Variants in RAB27A observed in about 807,000 individuals in gnomAD.
RAB27A encodes RAB27A, member RAS oncogene family.
A neutral mutation model predicts 20.8 loss-of-function variants in RAB27A; 17 were observed. The ratio of observed to expected loss-of-function variants is 0.82; its 90% confidence interval spans 0.56 to 1.23. RAB27A has a LOEUF of 1.23. Among genes scored for constraint, RAB27A ranks in the 50% most tolerant of loss-of-function variants. The probability of loss-of-function intolerance (pLI) is 0.00; values close to 1 mark genes in which losing one functional copy is unlikely to be tolerated. For synonymous variants in RAB27A, 85 were observed against 92.8 expected (o/e 0.92, Z 0.48); for missense variants, 277 against 266.7 (o/e 1.04, Z -0.27).
intron 1 of RAB27A, among the ~76,000 whole-genome samples, chr15:55,315,893 C>T (rs960844798): frequency 6.6e-6 from 1 of 152,146 alleles, no homozygotes; most frequent in African/African-American, 2.4e-5. Flanking sequence ...CCCAGCAATC[C>T]CATTACTGGG....
chr15:55,256,380 C>T lies in RAB27A; in HGVS notation c.-23+13785G>A, dbSNP rs548370134. ...AGTGAGCCATGACTATGTCACCACA[C>T]TCCAGCCTGGGTGACAGAGTGAGAC... is the stretch of plus-strand genomic sequence containing the variant. On this transcript the variant is annotated intron_variant, in intron 2 of 6. Coordinates refer to ENST00000336787, the MANE Select transcript of RAB27A (RefSeq NM_183235.3). 2.6e-5 allele frequency among the ~76,000 whole-genome samples: 4 copies of T among 152,278 alleles called. No individual in the cohort carries two copies. The South Asian group carries it at 8.3e-4, about 32-fold the overall frequency.
chr15:55,246,506 T>C (rs1409035758), intron 2 of RAB27A, among the ~76,000 whole-genome samples: 1 of 151,550 alleles, frequency 6.6e-6, no homozygotes, highest in Non-Finnish European at 1.5e-5. Context: ...GATCAGAATA[T>C]GAATGTTTAT....
chr15:55,313,617 T>C (rs2055030307), intron 2 of RAB27A, among the ~76,000 whole-genome samples: 3 of 152,128 alleles, frequency 2.0e-5, no homozygotes, highest in African/African-American at 4.8e-5. Flanking sequence ...CTCACGCTTG[T>C]AATCTCAGCA....
intron 2 of RAB27A, among the ~76,000 whole-genome samples, chr15:55,248,003 TGCTCACTGCAA>T (rs1320900999): frequency 6.6e-6 from 1 of 150,826 alleles, no homozygotes; most frequent in Non-Finnish European, 1.5e-5. Context: ...GCGCAATCTC[TGCTCACTGCAA>T]GCTCTGCCTC....
chr15:55,223,508 C>CAAA (rs113911906), intron 6 of RAB27A, among the ~76,000 whole-genome samples: 14,629 of 133,236 alleles, frequency 0.11, 896 homozygotes, highest in Admixed American at 0.2. Context: ...GACTCTGTCT[C>CAAA]AAAAAAAAAA....
chr15:55,282,019 A>G (rs570967273), intron 1 of RAB27A, among the ~76,000 whole-genome samples: 1 of 152,342 alleles, frequency 6.6e-6, no homozygotes, highest in South Asian at 2.1e-4. Context: ...AAGTAGCAGT[A>G]CAGGCCTTTA....
At chr15:55,303,289 C>T (rs1444148096) in intron 2 of RAB27A, among the ~76,000 whole-genome samples, 106 of 98,258 alleles carry the variant, frequency 1.1e-3, no homozygotes, top group African/African-American at 1.6e-3. Flanking sequence ...TGGCCAGCCG[C>T]CCCGTCCGGG....
Position 55,285,413 on chromosome 15 carries a change from T to C in RAB27A, c.-143+4303A>G, listed in dbSNP as rs147067553. On this transcript the variant is annotated intron_variant, in intron 1 of 6. Coordinates refer to ENST00000336787, the MANE Select transcript of RAB27A (RefSeq NM_183235.3). ...ACAATAAATAAAATATGAGTATTAC[T>C]AGACCTCAATCATACAAGTACCTGC... Among the ~76,000 whole-genome samples, 744 of 151,796 alleles carry C rather than the reference T, an allele frequency of 4.9e-3. 9 individuals are homozygous for C. The highest frequency in any genetic ancestry group is 0.017 in the African/African-American group (712 of 41,378).
At chr15:55,252,711 T>A (rs1896935243) in intron 2 of RAB27A, among the ~76,000 whole-genome samples, 1 of 152,122 alleles carries the variant, frequency 6.6e-6, no homozygotes, top group Non-Finnish European at 1.5e-5. Context: ...TACGTATCTA[T>A]CTATCTATAT....
Position 55,304,267 on chromosome 15 carries a change from T to C in RAB27A, c.-112+9772A>G, listed in dbSNP as rs866106744. 7.3e-5 allele frequency among the ~76,000 whole-genome samples: 11 copies of C among 151,000 alleles called. No individual in the cohort carries two copies. In the South Asian group the frequency reaches 2.1e-3, roughly 29 times the overall value. ...GTTAAACAGATGCTTGAAGGCAGCA[T>C]GCTCGTTAAGAGTCATCACCACTCC... On this transcript the variant is annotated intron_variant, in intron 2 of 5. Coordinates refer to the RAB27A transcript ENST00000563262.
At chr15:55,216,192 C>T (rs2140935147) in intron 6 of RAB27A, among the ~76,000 whole-genome samples, 1 of 152,164 alleles carries the variant, frequency 6.6e-6, no homozygotes, top group East Asian at 1.9e-4. Flanking sequence ...ATTTCCAACA[C>T]AGAATTGGGT....
chr15:55,278,302 C>G (rs1182420281), intron 1 of RAB27A, among the ~76,000 whole-genome samples: 1 of 152,110 alleles, frequency 6.6e-6, no homozygotes, highest in African/African-American at 2.4e-5. Flanking sequence ...ATAGAAATGA[C>G]TCTTTTACAC....
intron 6 of RAB27A, among the ~76,000 whole-genome samples, chr15:55,216,398 T>G (rs1482038308): frequency 6.6e-6 from 1 of 152,034 alleles, no homozygotes; most frequent in Non-Finnish European, 1.5e-5. Context: ...CTGGGCATGG[T>G]GGCACGTGCC....
chr15:55,240,140 C>T (rs956119245), intron 2 of RAB27A, among the ~76,000 whole-genome samples: 1 of 152,102 alleles, frequency 6.6e-6, no homozygotes, highest in Admixed American at 6.6e-5. Flanking sequence ...GAGTAGTATT[C>T]CTAGGGCCTG....
intron 2 of RAB27A, among the ~76,000 whole-genome samples, chr15:55,255,760 A>C (rs1457556552): frequency 6.6e-6 from 1 of 152,174 alleles, no homozygotes; most frequent in East Asian, 1.9e-4. Flanking sequence ...CCCTTCAAGA[A>C]GTTGGTAATT....
intron 1 of RAB27A, chr15:55,289,410 C>T (rs1443767519): frequency 1.3e-5 from 2 of 152,274 alleles, no homozygotes; most frequent in East Asian, 3.8e-4. Context: ...TTCCTCCTTT[C>T]CCTCCTGGAA....
Position 55,234,943 on chromosome 15 carries a change from A to T in RAB27A, c.-9T>A. ...TAATCTCCATCAGACATAATGAAGA[A>T]CTCAGTAGTTCACCTGTAAAATACA... On this transcript the variant is annotated 5_prime_UTR_variant, in exon 3 of 7. Transcript: ENST00000336787. 1.2e-6 allele frequency: 2 copies of T among 1,609,522 alleles called. No homozygotes were observed. Among genetic ancestry groups the T allele is most frequent in the Non-Finnish European group, 1.7e-6 (2 of 1,177,742 alleles).
chr15:55,298,686 G>A (rs1054810605), intron 2 of RAB27A, among the ~76,000 whole-genome samples: 1 of 152,148 alleles, frequency 6.6e-6, no homozygotes, highest in African/African-American at 2.4e-5. Flanking sequence ...ATAAGCCTGG[G>A]AGCGCTATGG....
intron 2 of RAB27A, among the ~76,000 whole-genome samples, chr15:55,266,784 C>A (rs1246680684): frequency 1.3e-5 from 2 of 152,228 alleles, no homozygotes; most frequent in Non-Finnish European, 2.9e-5. Flanking sequence ...GATGTGATCT[C>A]AGACACACTC....
Sources: gnomAD v4.1 joint callset for allele counts (sites outside exome capture counted in the v4.1 genomes callset) on GRCh38, gnomAD v4.1.1 for gene constraint, MANE v1.5 for transcripts, NCBI Gene and HGNC (gene_info 2026-07-23, HGNC 2026-07-21) for gene names.